Variants in SLC37A3 observed in about 807,000 individuals in gnomAD.
SLC37A3 encodes sugar phosphate exchanger 3.
Under a neutral mutation model 67.1 loss-of-function variants are expected in SLC37A3, and 51 were observed. That is an observed-to-expected ratio of 0.76 (90% CI 0.61 to 0.96). The LOEUF (loss-of-function observed/expected upper bound fraction) is 0.96. SLC37A3 is among the 40% of genes least tolerant of loss of function. The pLI is 0.00. For synonymous variants in SLC37A3, 214 were observed against 231.4 expected, an observed-to-expected ratio of 0.92 and a Z score of 0.68; for missense variants, 508 against 603.0, an observed-to-expected ratio of 0.84 and a Z score of 1.65.
rs1337888122 is a variant in SLC37A3 at position 140,360,813 on chromosome 7, TCA to T, written c.376-2030_376-2029del. The stretch of plus-strand genomic sequence containing the variant: ...TTTCAAATGCCTCACATACAGAAAC[TCA>T]CAGTCCTCACTGCCACCCGGGGAGA... On this transcript the variant is annotated intron_variant, in intron 5 of 14. Coordinates refer to ENST00000326232, the MANE Select transcript of SLC37A3 (RefSeq NM_207113.3). Among the ~76,000 whole-genome samples, 4 of 149,098 alleles carry T rather than the reference TCA, an allele frequency of 2.7e-5. No homozygotes were observed. In the South Asian group the frequency reaches 8.7e-4, roughly 32 times the overall value.
intron 10 of SLC37A3, among the ~76,000 whole-genome samples, chr7:140,347,582 T>C (rs1201511531): frequency 6.6e-6 from 1 of 152,222 alleles, no homozygotes; most frequent in Non-Finnish European, 1.5e-5. Flanking sequence ...ACAGACTGTG[T>C]GCTTTCACAA....
chr7:140,385,082 C>T (rs1798399407), intron 1 of SLC37A3, among the ~76,000 whole-genome samples: 1 of 152,178 alleles, frequency 6.6e-6, no homozygotes, highest in Non-Finnish European at 1.5e-5. Context: ...ACAAGCCATG[C>T]TCTATAAATC....
At chr7:140,339,717 G>C (rs1796280960) in intron 13 of SLC37A3, among the ~76,000 whole-genome samples, 2 of 151,048 alleles carry the variant, frequency 1.3e-5, no homozygotes, top group Admixed American at 6.6e-5. Context: ...GCACATCCTT[G>C]CCAGCACCAG....
At position 140,351,265 on chromosome 7, in the gene SLC37A3, G is replaced by A. The variant is rs1796783378; in HGVS notation, c.882+8C>T. 2 of 1,612,958 alleles carry A rather than the reference G, an allele frequency of 1.2e-6. No homozygotes were observed. Among genetic ancestry groups the A allele is most frequent in the East Asian group, 2.2e-5 (1 of 44,872 alleles). ...CCCTGGCTGTGGTAAGATGTAAGCGGTCCTTACCGGTATGACTCCAGGAAG... is the reference window on the plus strand; with the variant it reads ...CCCTGGCTGTGGTAAGATGTAAGCGATCCTTACCGGTATGACTCCAGGAAG... On this transcript the variant is annotated splice_region_variant and intron_variant, in intron 9 of 14. Transcript: ENST00000326232.
rs1440933311 is a variant in SLC37A3, at chr7:140,358,626, AG to A, written c.521+13del. On this transcript the variant is annotated intron_variant, in intron 6 of 14. Transcript: ENST00000326232. Reference sequence around the variant, plus strand: ...ACTTAAACAGAGAAATTAGAGAGGAAGGAAGTGGCATACCCGGCTTTCCCAA... The same window carrying A: ...ACTTAAACAGAGAAATTAGAGAGGAAGAAGTGGCATACCCGGCTTTCCCAA... 6.2e-7 allele frequency: 1 copy of A among 1,614,032 alleles called. No homozygotes were observed. The highest frequency in any genetic ancestry group is 2.2e-5 in the East Asian group (1 of 44,880).
At chr7:140,353,524 C>A (rs2117090759) in intron 7 of SLC37A3, among the ~76,000 whole-genome samples, 1 of 151,976 alleles carries the variant, frequency 6.6e-6, no homozygotes, top group East Asian at 1.9e-4. Flanking sequence ...TCCTACCCCA[C>A]CTTCCCCATC....
chr7:140,352,049 G>A lies in SLC37A3; in HGVS notation c.703+13C>T, dbSNP rs1469400854. 1.2e-5 allele frequency: 19 copies of A among 1,606,600 alleles called. No individual in the cohort carries two copies. The highest frequency in any genetic ancestry group is 8.5e-5 in the Admixed American group (5 of 58,916). ...GTAAGACATTCGGAATAGAAGGGGCGGCTTCTCCTCACCAATTTCTTCTGG... is the reference window on the plus strand; with the variant it reads ...GTAAGACATTCGGAATAGAAGGGGCAGCTTCTCCTCACCAATTTCTTCTGG... On this transcript the variant is annotated intron_variant, in intron 8 of 14. Coordinates refer to ENST00000326232, the MANE Select transcript of SLC37A3 (RefSeq NM_207113.3).
intron 5 of SLC37A3, among the ~76,000 whole-genome samples, chr7:140,363,720 A>G (rs1479463039): frequency 6.7e-6 from 1 of 149,006 alleles, no homozygotes; most frequent in South Asian, 2.1e-4. Context: ...AAATAAAAAA[A>G]AAAGAGCAAA....
chr7:140,391,459 G>A (rs973549757), intron 1 of SLC37A3, among the ~76,000 whole-genome samples: 1 of 152,230 alleles, frequency 6.6e-6, no homozygotes, highest in Non-Finnish European at 1.5e-5. Context: ...GGGAGGCTGA[G>A]GCAGGAGAAT....
At chr7:140,374,223 C>T (rs1429146814) in intron 3 of SLC37A3, among the ~76,000 whole-genome samples, 1 of 152,116 alleles carries the variant, frequency 6.6e-6, no homozygotes, top group Non-Finnish European at 1.5e-5. Flanking sequence ...AGGCCAGGTA[C>T]GGTGGCTCAC....
At chr7:140,373,606 TTC>T (rs1797906383) in intron 3 of SLC37A3, among the ~76,000 whole-genome samples, 1 of 152,224 alleles carries the variant, frequency 6.6e-6, no homozygotes, top group East Asian at 1.9e-4. Context: ...ACAAAAACAC[TTC>T]TCTCTTTTCT....
At chr7:140,361,155 C>T (rs1797253221) in intron 5 of SLC37A3, among the ~76,000 whole-genome samples, 1 of 151,458 alleles carries the variant, frequency 6.6e-6, no homozygotes, top group South Asian at 2.1e-4. Flanking sequence ...CCAAGGCAGG[C>T]AGAACAGGAG....
Position 140,350,490 on chromosome 7 carries a change from C to T in SLC37A3, c.882+783G>A, listed in dbSNP as rs771098933. ...ACCCTTTAAAAGGGGGCAAGCCAGG[C>T]GCGGTGGCTCACGCCTGTAATCCCA... is the stretch of plus-strand genomic sequence containing the variant. On this transcript the variant is annotated intron_variant, in intron 9 of 14. Transcript: ENST00000326232. Among the ~76,000 whole-genome samples the T allele has an allele frequency of 3.3e-5, 5 of 152,150 alleles. No individual in the cohort carries two copies. The South Asian group carries it at 6.2e-4, about 19-fold the overall frequency.
At chr7:140,343,795 C>CA in intron 12 of SLC37A3, 1 of 481,348 alleles carries the variant, frequency 2.1e-6, no homozygotes, top group Non-Finnish European at 3.7e-6. Context: ...CCCAAAGATA[C>CA]AAAAATAGTG....
At chr7:140,345,174 C>G in intron 12 of SLC37A3, 42 bp downstream of exon 12, 1 of 1,565,692 alleles carries the variant, frequency 6.4e-7, no homozygotes, top group Non-Finnish European at 8.8e-7. Context: ...TCTGAATTTA[C>G]AGAGCAACAG....
chr7:140,360,614 G>C (rs1301206161), intron 5 of SLC37A3, among the ~76,000 whole-genome samples: 1 of 151,574 alleles, frequency 6.6e-6, no homozygotes, highest in Non-Finnish European at 1.5e-5. Flanking sequence ...CACACCTGTA[G>C]TCCCAGCTAC....
intron 5 of SLC37A3, among the ~76,000 whole-genome samples, 194 bp from the exon 6 acceptor site, chr7:140,358,979 G>A (rs532490567): frequency 8.2e-4 from 125 of 152,234 alleles, no homozygotes; most frequent in Non-Finnish European, 1.3e-3. Context: ...CCCAATCACT[G>A]CCCACCAGAG....
Position 140,355,724 on chromosome 7 carries a change from C to A in SLC37A3, c.562G>T (p.Val188Leu). Reference sequence around the variant, plus strand: ...AGGCACGCTCCCAAAATGTTGCCCACCGAAGCACAGGCACTCCAGAGACCA... The same window carrying A: ...AGGCACGCTCCCAAAATGTTGCCCAACGAAGCACAGGCACTCCAGAGACCA... ...VFGLWSACASVGNILGACLAS... is the reference protein window; with the variant it reads ...VFGLWSACASLGNILGACLAS... The change falls in exon 7 of 15, where the codon GTG becomes TTG. Residue 188 changes from valine (V) to leucine (L), a missense_variant. Transcript: ENST00000326232. 1.2e-6 allele frequency: 2 copies of A among 1,613,964 alleles called. No individual in the cohort carries two copies. The highest frequency in any genetic ancestry group is 1.7e-6 in the Non-Finnish European group (2 of 1,179,946).
intron 6 of SLC37A3, 102 bp from the exon 7 acceptor site, chr7:140,355,866 A>G (rs1383777089): frequency 3.3e-6 from 3 of 908,616 alleles, no homozygotes; most frequent in African/African-American, 1.7e-5. Flanking sequence ...GCATACTACC[A>G]AGACTAAACA....
Sources: gnomAD v4.1 joint callset for allele counts (sites outside exome capture counted in the v4.1 genomes callset) on GRCh38, gnomAD v4.1.1 for gene constraint, MANE v1.5 for transcripts, NCBI Gene and HGNC (gene_info 2026-07-23, HGNC 2026-07-21) for gene names.